MARK3: variants seen among roughly 807,000 people sequenced by gnomAD.
MARK3 encodes the protein microtubule affinity regulating kinase 3, also known as MAP/microtubule affinity-regulating kinase 3.
In MARK3, 46 loss-of-function variants were observed where a neutral mutation model predicts 90.1. The ratio of observed to expected loss-of-function variants is 0.51; its 90% CI spans 0.40 to 0.65. MARK3 has a LOEUF of 0.65. Ranked by LOEUF, MARK3 falls within the 30% of genes least tolerant of loss-of-function variation. The probability of loss-of-function intolerance (pLI) is 0.00; values close to 1 mark genes in which losing one functional copy is unlikely to be tolerated. For missense variants in MARK3, 818 were observed against 947.2 expected, an observed-to-expected ratio of 0.86 and a Z score of 1.79; for synonymous variants, 321 against 332.6, an observed-to-expected ratio of 0.97 and a Z score of 0.38.
intron 4 of MARK3, among the ~76,000 whole-genome samples, chr14:103,450,593 T>A (rs1187179961): frequency 6.6e-6 from 1 of 152,222 alleles, no homozygotes; most frequent in African/African-American, 2.4e-5. Context: ...CACATGTGCC[T>A]TAACTTTCTG....
At chr14:103,497,894 TC>T (rs1213678482) in intron 15 of MARK3, among the ~76,000 whole-genome samples, 1 of 152,232 alleles carries the variant, frequency 6.6e-6, no homozygotes, top group Non-Finnish European at 1.5e-5. Flanking sequence ...TCTTGTCACT[TC>T]TTTAACATAA....
intron 13 of MARK3, among the ~76,000 whole-genome samples, chr14:103,478,032 C>T (rs1446343601): frequency 6.7e-6 from 1 of 149,086 alleles, no homozygotes; most frequent in South Asian, 2.1e-4. Flanking sequence ...CGCAGTGGCT[C>T]ACGCCTGTAA....
intron 2 of MARK3, among the ~76,000 whole-genome samples, chr14:103,420,333 A>T (rs1026601907): frequency 1.3e-5 from 2 of 152,040 alleles, no homozygotes; most frequent in African/African-American, 4.8e-5. Flanking sequence ...GGGCCCAAGC[A>T]GTCCTTCCAC....
intron 14 of MARK3, among the ~76,000 whole-genome samples, chr14:103,484,365 T>C (rs1252897845): frequency 4.6e-5 from 7 of 152,046 alleles, no homozygotes; most frequent in African/African-American, 1.7e-4. Context: ...TTAATAGAAA[T>C]GGGGTTTCAC....
intron 14 of MARK3, chr14:103,489,836 A>G (rs1341279370): frequency 1.3e-5 from 2 of 152,186 alleles, no homozygotes; most frequent in Non-Finnish European, 2.9e-5. Flanking sequence ...TCCTGGGGGT[A>G]GTTTTGTCCG....
At chr14:103,481,563 A>G (rs2093818309) in intron 14 of MARK3, among the ~76,000 whole-genome samples, 1 of 151,876 alleles carries the variant, frequency 6.6e-6, no homozygotes, top group Non-Finnish European at 1.5e-5. Flanking sequence ...GAGGAGTAAC[A>G]TTTGTTCTGT....
chr14:103,396,254 C>A (rs1296831551), intron 1 of MARK3, among the ~76,000 whole-genome samples: 1 of 152,132 alleles, frequency 6.6e-6, no homozygotes, highest in African/African-American at 2.4e-5. Context: ...CTTGTACTAC[C>A]AGTTCCTGAA....
At chr14:103,457,825 T>A (rs1007986209) in intron 6 of MARK3, among the ~76,000 whole-genome samples, 1 of 152,250 alleles carries the variant, frequency 6.6e-6, no homozygotes, top group Admixed American at 6.5e-5. Context: ...AGGACTGTTA[T>A]ATCCATTTGC....
At chr14:103,441,597 T>G (rs2092858386) in intron 3 of MARK3, 1 of 152,148 alleles carries the variant, frequency 6.6e-6, no homozygotes, top group Non-Finnish European at 1.5e-5. Context: ...TTTTTGTGTC[T>G]TCTTTAAGAA....
At chr14:103,394,640 A>C (rs2090466146) in intron 1 of MARK3, among the ~76,000 whole-genome samples, 1 of 152,166 alleles carries the variant, frequency 6.6e-6, no homozygotes, top group Non-Finnish European at 1.5e-5. Flanking sequence ...TTTCTTGTTG[A>C]CAGGCATTTG....
At chr14:103,466,555 T>C (rs1566895836) in intron 10 of MARK3, 113 bp downstream of exon 10, 16 of 660,874 alleles carry the variant, frequency 2.4e-5, no homozygotes, top group Non-Finnish European at 3.7e-5. Context: ...ACAAGTCATA[T>C]GAACAGTTTA....
chr14:103,438,203 A>G (rs899872076), intron 3 of MARK3, among the ~76,000 whole-genome samples: 1 of 152,042 alleles, frequency 6.6e-6, no homozygotes, highest in African/African-American at 2.4e-5. Flanking sequence ...GGGTTTCTCC[A>G]TGTTGGTCAG....
intron 1 of MARK3, among the ~76,000 whole-genome samples, chr14:103,402,184 G>A (rs1355128344): frequency 6.6e-6 from 1 of 152,192 alleles, no homozygotes; most frequent in Non-Finnish European, 1.5e-5. Context: ...TGGAAGAAGC[G>A]CTAAGGAGTT....
At chr14:103,474,756 C>T (rs546298043) in intron 12 of MARK3, among the ~76,000 whole-genome samples, 1 of 151,024 alleles carries the variant, frequency 6.6e-6, no homozygotes, top group East Asian at 1.9e-4. Context: ...ACTCTAAACT[C>T]TTACTATTAA....
intron 3 of MARK3, among the ~76,000 whole-genome samples, chr14:103,435,624 G>T (rs1277873122): frequency 1.3e-5 from 2 of 152,058 alleles, no homozygotes; most frequent in East Asian, 3.9e-4. Context: ...TAGCCAGGAT[G>T]GTCTCAATCT....
At chr14:103,469,087 A>G (rs1409052480) in intron 12 of MARK3, 1 of 152,150 alleles carries the variant, frequency 6.6e-6, no homozygotes, top group African/African-American at 2.4e-5. Context: ...CCAGTCAAGA[A>G]GCTACTGGCC....
In MARK3 at chr14:103,389,964, AAAG is replaced by A. The variant is rs1481283177; in HGVS notation, c.51+3885_51+3887del. ...GTCTCAAAAAAAAAAAAAAAAAAAA[AAAG>A]GCCGGGCGCGGTGGCTCACACCTGT... On this transcript the variant is annotated intron_variant, in intron 1 of 17. Transcript: ENST00000429436. Among the ~76,000 whole-genome samples, 3 of 127,202 alleles carry A rather than the reference AAAG, an allele frequency of 2.4e-5. No homozygotes were observed. The Admixed American group carries it at 2.4e-4, about 10-fold the overall frequency. The allele number at this position is 127,202 out of a possible 152,430, so 83.4% of individuals were successfully genotyped here. A position where few individuals can be genotyped will look rare whatever the true frequency, so the allele number is the denominator to read the frequency against.
At chr14:103,389,668 G>T (rs1352242559) in intron 1 of MARK3, among the ~76,000 whole-genome samples, 5 of 151,878 alleles carry the variant, frequency 3.3e-5, no homozygotes, top group African/African-American at 7.3e-5. Context: ...TGTTGGCCAG[G>T]TGCAGTGGCT....
intron 1 of MARK3, among the ~76,000 whole-genome samples, chr14:103,387,739 C>A (rs375030930): frequency 6.6e-6 from 1 of 152,014 alleles, no homozygotes; most frequent in Non-Finnish European, 1.5e-5. Flanking sequence ...GTGATCCACC[C>A]GCCTCGGCTC....
Sources: allele counts gnomAD v4.1 joint callset (sites outside exome capture counted in the v4.1 genomes callset), GRCh38; gene constraint gnomAD v4.1.1; transcripts MANE v1.5; gene names NCBI Gene and HGNC (gene_info 2026-07-23, HGNC 2026-07-21).